C9: variants seen among roughly 807,000 people sequenced by gnomAD.
C9 encodes the protein complement C9.
A neutral mutation model predicts 65.4 loss-of-function variants in C9; 63 were observed. The observed-to-expected ratio is 0.96, with a 90% CI of 0.79 to 1.19. C9 has a LOEUF of 1.19. C9 is among the 50% of genes most tolerant of loss of function. The probability of loss-of-function intolerance (pLI) is 0.00; values close to 1 mark genes in which losing one functional copy is unlikely to be tolerated. For synonymous variants in C9, 229 were observed against 227.9 expected (o/e 1.00, Z -0.04); for missense variants, 744 against 670.1 (o/e 1.11, Z -1.22).
chr5:39,334,025 G>C (rs906823463), intron 4 of C9, among the ~76,000 whole-genome samples: 2 of 151,656 alleles, frequency 1.3e-5, no homozygotes, highest in Non-Finnish European at 2.9e-5. Flanking sequence ...GCCTCTGCCC[G>C]GCCGCCACCC....
intron 1 of C9, among the ~76,000 whole-genome samples, chr5:39,344,261 G>C (rs1754146215): frequency 6.6e-6 from 1 of 152,190 alleles, no homozygotes; most frequent in Non-Finnish European, 1.5e-5. Context: ...ATGCAAAGAA[G>C]CTAAAACATT....
At chr5:39,297,760 A>G (rs1753211131) in intron 9 of C9, among the ~76,000 whole-genome samples, 1 of 151,660 alleles carries the variant, frequency 6.6e-6, no homozygotes, top group South Asian at 2.1e-4. Context: ...AAATATACCT[A>G]GACATTTCAA....
At chr5:39,314,038 C>T (rs1242503983) in intron 6 of C9, among the ~76,000 whole-genome samples, 3 of 152,066 alleles carry the variant, frequency 2.0e-5, no homozygotes, top group African/African-American at 7.2e-5. Flanking sequence ...ACCTGGATTC[C>T]TTCAGTAATT....
At chr5:39,297,102 T>C (rs1753197977) in intron 9 of C9, among the ~76,000 whole-genome samples, 1 of 151,600 alleles carries the variant, frequency 6.6e-6, no homozygotes, top group South Asian at 2.1e-4. Flanking sequence ...AGGATTACTA[T>C]AGTTAATAAT....
chr5:39,292,416 C>CT (rs200735826), intron 9 of C9, among the ~76,000 whole-genome samples: 16,050 of 150,278 alleles, frequency 0.11, 1,042 homozygotes, highest in African/African-American at 0.18. Context: ...GAAAAAAATA[C>CT]TTTTTTTTTC....
chr5:39,352,515 C>G (rs965850188), intron 1 of C9, among the ~76,000 whole-genome samples: 8 of 152,186 alleles, frequency 5.3e-5, no homozygotes, highest in African/African-American at 1.9e-4. Context: ...TCCATTTATG[C>G]AGTCATTCTA....
intron 5 of C9, among the ~76,000 whole-genome samples, chr5:39,328,955 G>A (rs1451151825): frequency 2.0e-5 from 3 of 152,102 alleles, no homozygotes; most frequent in Non-Finnish European, 4.4e-5. Context: ...GCAGGATTGG[G>A]GCGAAAACTA....
intron 5 of C9, among the ~76,000 whole-genome samples, chr5:39,330,156 A>ATT: frequency 6.6e-6 from 1 of 151,700 alleles, no homozygotes; most frequent in African/African-American, 2.4e-5. Context: ...AAAGGTATCT[A>ATT]TAGTCTTCAT....
At chr5:39,285,284 T>G in intron 10 of C9, 51 bp from the exon 11 acceptor site, 1 of 1,474,796 alleles carries the variant, frequency 6.8e-7, no homozygotes. Context: ...GGATTTTACT[T>G]TGGGTCCATC....
chr5:39,314,829 A>G (rs991431005), intron 6 of C9, among the ~76,000 whole-genome samples: 2 of 152,128 alleles, frequency 1.3e-5, no homozygotes, highest in Non-Finnish European at 2.9e-5. Context: ...TTTTCCTTGT[A>G]TCCCACAGAA....
intron 1 of C9, among the ~76,000 whole-genome samples, chr5:39,353,745 C>A (rs1195853741): frequency 3.3e-5 from 5 of 151,914 alleles, no homozygotes; most frequent in African/African-American, 1.2e-4. Context: ...AAAACATGAT[C>A]CCCAAAGTAA....
At chr5:39,351,340 C>T (rs1317212416) in intron 1 of C9, among the ~76,000 whole-genome samples, 1 of 152,226 alleles carries the variant, frequency 6.6e-6, no homozygotes, top group African/African-American at 2.4e-5. Flanking sequence ...TTTGTCTTGG[C>T]TATTAACATT....
At chr5:39,345,544 A>G (rs1010558568) in intron 1 of C9, among the ~76,000 whole-genome samples, 2 of 152,336 alleles carry the variant, frequency 1.3e-5, no homozygotes, top group African/African-American at 4.8e-5. Flanking sequence ...AGATCTACAA[A>G]GAGACTTAGA....
intron 9 of C9, 90 bp from the exon 10 acceptor site, chr5:39,289,041 C>G: frequency 1.3e-6 from 1 of 764,784 alleles, no homozygotes; most frequent in Non-Finnish European, 2.3e-6. Context: ...TTCACTGATT[C>G]ATTAATTCAA....
At chr5:39,288,557 C>T (rs1466993554) in intron 10 of C9, among the ~76,000 whole-genome samples, 166 bp downstream of exon 10, 1 of 151,646 alleles carries the variant, frequency 6.6e-6, no homozygotes, top group East Asian at 1.9e-4. Context: ...CAGAATGACA[C>T]ATAAAGGCTG....
chr5:39,299,482 C>T (rs187855), intron 9 of C9, among the ~76,000 whole-genome samples: 64,833 of 151,836 alleles, frequency 0.43, 14,709 homozygotes, highest in East Asian at 0.64. Flanking sequence ...CATGGAACTA[C>T]ATATAATGGA....
At chr5:39,333,845 C>A (rs932877091) in intron 4 of C9, among the ~76,000 whole-genome samples, 1 of 152,114 alleles carries the variant, frequency 6.6e-6, no homozygotes, top group African/African-American at 2.4e-5. Context: ...AGCTCCTAAC[C>A]GCGAGTGATC....
chr5:39,336,903 G>T (rs555882206), intron 4 of C9, among the ~76,000 whole-genome samples: 1 of 152,032 alleles, frequency 6.6e-6, no homozygotes, highest in Non-Finnish European at 1.5e-5. Flanking sequence ...ATCTTTCAGT[G>T]TTGATAAAAA....
At chr5:39,313,205 T>C (rs112813305) in intron 6 of C9, among the ~76,000 whole-genome samples, 8,224 of 152,260 alleles carry the variant, frequency 0.054, 273 homozygotes, top group Admixed American at 0.13. Context: ...TTCTTTGCCC[T>C]CACTAGAAGC....
Sources: gnomAD v4.1 joint callset for allele counts (sites outside exome capture counted in the v4.1 genomes callset) on GRCh38, gnomAD v4.1.1 for gene constraint, MANE v1.5 for transcripts, NCBI Gene and HGNC (gene_info 2026-07-23, HGNC 2026-07-21) for gene names.